Variants in SNX5 observed in about 807,000 individuals in gnomAD.
The protein encoded by SNX5 is sorting nexin-5.
Under a neutral mutation model 53.9 loss-of-function variants are expected in SNX5, and 31 were observed. The ratio of observed to expected loss-of-function variants is 0.58; its 90% CI spans 0.43 to 0.78. The LOEUF (loss-of-function observed/expected upper bound fraction) is 0.78. SNX5 is among the 30% of genes least tolerant of loss of function. The probability of loss-of-function intolerance (pLI) is 0.00; values close to 1 mark genes in which losing one functional copy is unlikely to be tolerated. For synonymous variants in SNX5, 168 were observed against 171.1 expected (o/e 0.98, Z 0.14); for missense variants, 471 against 478.8 (o/e 0.98, Z 0.15).
At position 17,962,315 on chromosome 20, in the gene SNX5, C is replaced by T. The variant is rs534864144; in HGVS notation, c.52-5278G>A. Reference sequence around the variant, plus strand: ...CGGGGTTCAATTCTCCCAGATACTCCTGCCTCAGCCTCCTGAGTAGCTGGG... The same window carrying T: ...CGGGGTTCAATTCTCCCAGATACTCTTGCCTCAGCCTCCTGAGTAGCTGGG... On this transcript the variant is annotated intron_variant, in intron 1 of 12. Transcript: ENST00000377759. The T allele has an allele frequency of 1.6e-5, 3 of 185,812 alleles. No homozygotes were observed. The East Asian group carries it at 4.6e-4, about 29-fold the overall frequency. 11.5% of individuals were successfully genotyped at this position (185,812 alleles called of 1,614,324 possible).
chr20:17,961,777 C>T, intron 1 of SNX5: 1 of 985,354 alleles, frequency 1.0e-6, no homozygotes, highest in Non-Finnish European at 1.2e-6. Context: ...GCCTAAGAAA[C>T]TAAGATTTTG....
rs564260194 is a variant in SNX5, at chr20:17,943,214, T to C, written c.1079-19A>G. The C allele has an allele frequency of 6.6e-7, 1 of 1,514,708 alleles. No homozygotes were observed. The highest frequency in any genetic ancestry group is 2.3e-5 in the East Asian group (1 of 44,434). 93.8% of individuals were successfully genotyped at this position (1,514,708 alleles called of 1,614,324 possible). ...ATCAGTTCTACAGGAAGAAAAAATG[T>C]TTATGAAACCAAGAAAAACTAAACA... On this transcript the variant is annotated intron_variant, in intron 11 of 12. Coordinates refer to ENST00000377759, the MANE Select transcript of SNX5 (RefSeq NM_014426.4).
chr20:17,968,508 T>C lies in SNX5; in HGVS notation c.-83A>G. The stretch of plus-strand genomic sequence containing the variant: ...CCGCCGCCGCCGCCGCCTGGGCGCC[T>C]CTCGGGGGCGGCCACGGCCCCGCCT... On this transcript the variant is annotated 5_prime_UTR_variant, in exon 1 of 13. Transcript: ENST00000377759. The C allele has an allele frequency of 1.7e-6, 2 of 1,193,686 alleles. No individual in the cohort carries two copies. Among genetic ancestry groups the C allele is most frequent in the Non-Finnish European group, 2.1e-6 (2 of 936,412 alleles). 73.9% of individuals were successfully genotyped at this position (1,193,686 alleles called of 1,614,324 possible). A position where few individuals can be genotyped will look rare whatever the true frequency, so the allele number is the denominator to read the frequency against.
chr20:17,961,699 G>C, intron 1 of SNX5: 3 of 985,096 alleles, frequency 3.0e-6, no homozygotes, highest in Non-Finnish European at 3.6e-6. Flanking sequence ...ACATGCTACA[G>C]TGTCTTCTCT....
intron 1 of SNX5, among the ~76,000 whole-genome samples, chr20:17,960,235 C>A (rs1336617172): frequency 6.6e-6 from 1 of 151,938 alleles, no homozygotes; most frequent in Non-Finnish European, 1.5e-5. Context: ...CCAAGGTAGG[C>A]AGATCACTTG....
chr20:17,950,451 C>T (rs3736771), intron 6 of SNX5, 55 bp from the exon 7 acceptor site: 119,878 of 968,692 alleles, frequency 0.12, 7,984 homozygotes, highest in Middle Eastern at 0.19. Flanking sequence ...ATCCCTGCAG[C>T]CTTTTACATT....
chr20:17,942,632 C>T (rs1417945509), intron 12 of SNX5: 4 of 573,586 alleles, frequency 7.0e-6, no homozygotes, highest in East Asian at 3.0e-5. Context: ...GCCAAAGAGC[C>T]GACGTTCACT....
intron 6 of SNX5, 95 bp downstream of exon 6, chr20:17,951,405 A>G: frequency 2.7e-6 from 2 of 752,662 alleles, no homozygotes; most frequent in Non-Finnish European, 4.7e-6. Context: ...TTAAAAGTTA[A>G]CCATTTGTTT....
intron 11 of SNX5, 21 bp from the exon 12 acceptor site, chr20:17,943,216 T>C: frequency 6.6e-7 from 1 of 1,510,634 alleles, no homozygotes; most frequent in Non-Finnish European, 9.2e-7. Context: ...AAAAAATGTT[T>C]ATGAAACCAA....
At chr20:17,967,136 A>C (rs924026149) in intron 1 of SNX5, among the ~76,000 whole-genome samples, 1 of 152,162 alleles carries the variant, frequency 6.6e-6, no homozygotes, top group Admixed American at 6.5e-5. Context: ...CTGTACTACC[A>C]GAGAGTGGGG....
At chr20:17,961,881 T>A in intron 1 of SNX5, 1 of 985,430 alleles carries the variant, frequency 1.0e-6, no homozygotes, top group Non-Finnish European at 1.2e-6. Flanking sequence ...TGGAAAGATA[T>A]CCACACCTTG....
intron 7 of SNX5, 24 bp downstream of exon 7, chr20:17,950,267 T>C: frequency 1.9e-6 from 3 of 1,610,304 alleles, no homozygotes; most frequent in Non-Finnish European, 2.5e-6. Context: ...AGCAAAGCTC[T>C]GACTAGCGGT....
chr20:17,950,345 T>A lies in SNX5; in HGVS notation c.661A>T (p.Asn221Tyr), dbSNP rs2039548338. 1 of 1,613,584 alleles carries A rather than the reference T, an allele frequency of 6.2e-7. No individual in the cohort carries two copies. Among genetic ancestry groups the A allele is most frequent in the Non-Finnish European group, 8.5e-7 (1 of 1,179,608 alleles). The change falls in exon 7 of 13, where the codon AAT becomes TAT. Residue 221 changes from asparagine to tyrosine, a missense_variant. Asn to Tyr is a moderately radical substitution (Grantham distance 143). Transcript: ENST00000377759. ...QEKNFLINYY[N>Y]RIKDSCVKAD... ...TTCACACAAGAATCTTTGATCCTAT[T>A]GTAATAGTTAATAAGGAAGTTCTTC...
chr20:17,968,534 C>G lies in SNX5; in HGVS notation c.-109G>C, dbSNP rs558615988. The G allele has an allele frequency of 1.0e-3, 1,063 of 1,045,138 alleles. 9 individuals carry two copies. The highest frequency in any genetic ancestry group is 4.9e-3 in the South Asian group (238 of 48,678). The allele number at this position is 1,045,138 out of a possible 1,614,324, so 64.7% of individuals were successfully genotyped here. On this transcript the variant is annotated 5_prime_UTR_variant, in exon 1 of 13. Transcript: ENST00000377759. ...CTCGGGGGCGGCCACGGCCCCGCCT[C>G]CGCCGGCCTCCCTGCCCGACGGCGG...
intron 1 of SNX5, among the ~76,000 whole-genome samples, chr20:17,959,048 T>C (rs572293893): frequency 1.3e-5 from 2 of 152,316 alleles, no homozygotes; most frequent in East Asian, 1.9e-4. Flanking sequence ...TAAGATTCCA[T>C]TTCCTAAAGT....
At chr20:17,949,000 C>CAT in intron 9 of SNX5, 24 bp from the exon 10 acceptor site, 2 of 1,609,244 alleles carry the variant, frequency 1.2e-6, no homozygotes, top group Non-Finnish European at 1.7e-6. Context: ...GAAAGGTCAC[C>CAT]ATCAAGGCAG....
intron 1 of SNX5, 97 bp from the exon 2 acceptor site, chr20:17,957,134 T>A: frequency 5.2e-6 from 4 of 764,104 alleles, no homozygotes; most frequent in South Asian, 4.3e-5. Context: ...TATACATAGA[T>A]CATTTAGAAA....
At position 17,954,082 on chromosome 20, in the gene SNX5, AC is replaced by A; in HGVS notation, c.302del (p.Gly101ValfsTer16). On this transcript the variant is annotated frameshift_variant, in exon 4 of 13. Coordinates refer to ENST00000377759, the MANE Select transcript of SNX5 (RefSeq NM_014426.4). LOFTEE classifies it high-confidence loss of function. ...CCAGTTTCTGCATCTTCTCTCGAGG[AC>A]CATCAAAGTCGGGCTTCGTAGGAGC... ...PPAPTKPDFD[G>X]PREKMQKLGE... The A allele has an allele frequency of 6.2e-7, 1 of 1,613,834 alleles. No homozygotes were observed. Among genetic ancestry groups the A allele is most frequent in the Non-Finnish European group, 8.5e-7 (1 of 1,179,822 alleles).
Position 17,961,306 on chromosome 20 carries a change from G to A in SNX5, c.52-4269C>T. ...TTCAAAAGGTTTAATGGCTTACAGA[G>A]GGCAAAGGGCACCTGGATGACTGAA... On this transcript the variant is annotated intron_variant, in intron 1 of 12. Transcript: ENST00000377759. 3 of 985,380 alleles carry A rather than the reference G, an allele frequency of 3.0e-6. No individual in the cohort carries two copies. In the South Asian group the frequency reaches 1.4e-4, roughly 46 times the overall value. 61.0% of individuals were successfully genotyped at this position (985,380 alleles called of 1,614,324 possible). A position where few individuals can be genotyped will look rare whatever the true frequency, so the allele number is the denominator to read the frequency against.
Sources: gnomAD v4.1 joint callset for allele counts (sites outside exome capture counted in the v4.1 genomes callset) on GRCh38, gnomAD v4.1.1 for gene constraint, MANE v1.5 for transcripts, NCBI Gene and HGNC (gene_info 2026-07-23, HGNC 2026-07-21) for gene names.